The following CACNB2 variants were observed in gnomAD, a reference collection of about 807,000 sequenced individuals.
CACNB2 encodes voltage-dependent L-type calcium channel subunit beta-2.
A neutral mutation model predicts 73.3 loss-of-function variants in CACNB2; 42 were observed. The observed-to-expected ratio is 0.57, with a 90% CI of 0.45 to 0.74. The LOEUF (loss-of-function observed/expected upper bound fraction) is 0.74. Among genes scored for constraint, CACNB2 ranks in the 30% least tolerant of loss-of-function variants. The pLI, the probability that CACNB2 is intolerant of heterozygous loss-of-function variation, is 0.00. For missense variants in CACNB2, 940 were observed against 853.0 expected (o/e 1.10, Z -1.27); for synonymous variants, 348 against 310.3 (o/e 1.12, Z -1.28).
chr10:18,217,084 T>G lies in CACNB2; in HGVS notation c.213+66109T>G, dbSNP rs147274962. 3.3e-3 allele frequency among the ~76,000 whole-genome samples: 508 copies of G among 152,280 alleles called. 3 individuals carry two copies. Among genetic ancestry groups the G allele is most frequent in the African/African-American group, 0.012 (488 of 41,540 alleles). On this transcript the variant is annotated intron_variant, in intron 2 of 13. Coordinates refer to ENST00000324631, the MANE Select transcript of CACNB2 (RefSeq NM_201596.3). The stretch of plus-strand genomic sequence containing the variant: ...CTCTGCTCTAGGCAGGCATATGAGA[T>G]GCATTGGTGAGCAAATATTTCTTGG...
intron 2 of CACNB2, among the ~76,000 whole-genome samples, chr10:18,372,352 T>C (rs7910898): frequency 0.24 from 36,423 of 152,026 alleles, 4,888 homozygotes; most frequent in East Asian, 0.67. Context: ...ACATGTAAGT[T>C]TTTAATCCAT....
rs146919506 is a variant in CACNB2 at position 18,459,728 on chromosome 10, C to T, written c.334-38627C>T. On this transcript the variant is annotated intron_variant, in intron 3 of 13. Transcript: ENST00000324631. ...CTGTTTGTAAAAGTAGAATGCTGGC[C>T]GGGCGCAGTGGCTCACGCCTGTAAT... Among the ~76,000 whole-genome samples the T allele has an allele frequency of 5.3e-5, 8 of 152,260 alleles. No homozygotes were observed. In the South Asian group the frequency reaches 1.0e-3, roughly 20 times the overall value.
chr10:18,463,761 A>G (rs1255113064), intron 3 of CACNB2, among the ~76,000 whole-genome samples: 1 of 151,926 alleles, frequency 6.6e-6, no homozygotes, highest in Non-Finnish European at 1.5e-5. Context: ...GCATCTAGTC[A>G]TCCCCTCTCT....
At chr10:18,396,924 C>T (rs527743407) in intron 2 of CACNB2, among the ~76,000 whole-genome samples, 4 of 152,102 alleles carry the variant, frequency 2.6e-5, no homozygotes, top group Non-Finnish European at 5.9e-5. Flanking sequence ...CCTTTGGATT[C>T]ATAAAAAGTT....
At chr10:18,152,733 C>CAAA (rs1461809120) in intron 2 of CACNB2, among the ~76,000 whole-genome samples, 25 of 89,378 alleles carry the variant, frequency 2.8e-4, no homozygotes, top group Non-Finnish European at 3.4e-4. Context: ...AAAAAAAAAA[C>CAAA]AAAAAACAAA....
intron 2 of CACNB2, among the ~76,000 whole-genome samples, chr10:18,398,529 G>A (rs973952737): frequency 5.9e-5 from 9 of 152,172 alleles, no homozygotes; most frequent in Admixed American, 2.6e-4. Flanking sequence ...AAATTAGCTA[G>A]GAATGGGAGC....
chr10:18,290,231 T>C (rs2131764190), intron 2 of CACNB2, among the ~76,000 whole-genome samples: 1 of 150,722 alleles, frequency 6.6e-6, no homozygotes, highest in East Asian at 2.0e-4. Flanking sequence ...TTCACCGTGT[T>C]GGTCAGGCCG....
chr10:18,270,208 C>A (rs571682599), intron 2 of CACNB2, among the ~76,000 whole-genome samples: 8 of 152,100 alleles, frequency 5.3e-5, no homozygotes, highest in Non-Finnish European at 8.8e-5. Flanking sequence ...GGGGGAAGAA[C>A]CCCTTATAAA....
chr10:18,469,877 A>G (rs1049565531), intron 3 of CACNB2, among the ~76,000 whole-genome samples: 13 of 152,158 alleles, frequency 8.5e-5, no homozygotes, highest in African/African-American at 3.1e-4. Flanking sequence ...AACCACATTT[A>G]TACATGTTTA....
chr10:18,307,983 C>CTTTTTTTTTTTTTTTTTTTT lies in CACNB2; in HGVS notation c.214-93933_214-93914dup, dbSNP rs869311555. 3.3e-3 allele frequency among the ~76,000 whole-genome samples: 233 copies of CTTTTTTTTTTTTTTTTTTTT among 70,232 alleles called. 46 individuals are homozygous for CTTTTTTTTTTTTTTTTTTTT. The highest frequency in any genetic ancestry group is 4.1e-3 in the Non-Finnish European group (149 of 36,700). 46.1% of individuals were successfully genotyped at this position (70,232 alleles called of 152,430 possible). A position where few individuals can be genotyped will look rare whatever the true frequency, so the allele number is the denominator to read the frequency against. On this transcript the variant is annotated intron_variant, in intron 2 of 13. Coordinates refer to ENST00000324631, the MANE Select transcript of CACNB2 (RefSeq NM_201596.3). ...TTAAGTCTAAAATAATATATGCCAA[C>CTTTTTTTTTTTTTTTTTTTT]TTTTTTTTTTTTTTTTTTTTTTTTT...
chr10:18,371,135 A>G (rs2042563874), intron 2 of CACNB2, among the ~76,000 whole-genome samples: 2 of 152,184 alleles, frequency 1.3e-5, no homozygotes, highest in African/African-American at 2.4e-5. Context: ...TAGTTATTTG[A>G]TAGACAAAAA....
At chr10:18,389,902 G>A (rs754862757) in intron 2 of CACNB2, among the ~76,000 whole-genome samples, 11 of 152,024 alleles carry the variant, frequency 7.2e-5, no homozygotes, top group East Asian at 1.9e-4. Context: ...TGATTTTTTC[G>A]TGAATTTTCT....
At chr10:18,345,890 C>T (rs545528769) in intron 2 of CACNB2, among the ~76,000 whole-genome samples, 7 of 152,262 alleles carry the variant, frequency 4.6e-5, no homozygotes, top group South Asian at 2.1e-4. Flanking sequence ...ATAACCATTA[C>T]GGAGAATAAG....
rs191858865 is a variant in CACNB2 at position 18,395,844 on chromosome 10, G to A, written c.214-6080G>A. ...GTATGAATTTGAATAATAATTACAC[G>A]ACAGTTTGCAAACTAAGGTATACAA... On this transcript the variant is annotated intron_variant, in intron 2 of 13. Coordinates refer to ENST00000324631, the MANE Select transcript of CACNB2 (RefSeq NM_201596.3). Among the ~76,000 whole-genome samples, 633 of 152,184 alleles carry A rather than the reference G, an allele frequency of 4.2e-3. 5 individuals are homozygous for A. The highest frequency in any genetic ancestry group is 6.8e-3 in the Non-Finnish European group (460 of 68,014).
chr10:18,483,208 C>G (rs2048878284), intron 3 of CACNB2, among the ~76,000 whole-genome samples: 1 of 151,894 alleles, frequency 6.6e-6, no homozygotes, highest in African/African-American at 2.4e-5. Flanking sequence ...CATGGGGACA[C>G]TCAGCTCAAT....
intron 10 of CACNB2, among the ~76,000 whole-genome samples, chr10:18,530,513 C>A (rs75360827): frequency 7.4e-4 from 96 of 129,192 alleles, no homozygotes; most frequent in East Asian, 1.1e-3. Context: ...TACAAAAATG[C>A]AAAAAAAAAA....
At chr10:18,254,850 G>C (rs1291800514) in intron 2 of CACNB2, among the ~76,000 whole-genome samples, 1 of 152,204 alleles carries the variant, frequency 6.6e-6, no homozygotes, top group East Asian at 1.9e-4. Flanking sequence ...GAAATGCATG[G>C]AAATGTTCAG....
At chr10:18,165,248 G>C (rs2032768219) in intron 2 of CACNB2, among the ~76,000 whole-genome samples, 1 of 152,178 alleles carries the variant, frequency 6.6e-6, no homozygotes, top group Non-Finnish European at 1.5e-5. Flanking sequence ...CGTCATCCGA[G>C]AGCTCATCCT....
At chr10:18,487,053 T>C (rs2049100695) in intron 3 of CACNB2, among the ~76,000 whole-genome samples, 1 of 152,190 alleles carries the variant, frequency 6.6e-6, no homozygotes, top group Non-Finnish European at 1.5e-5. Flanking sequence ...GAGAAGGCGC[T>C]GTCTGCTTTA....
Sources: gnomAD v4.1 joint callset for allele counts (sites outside exome capture counted in the v4.1 genomes callset) on GRCh38, gnomAD v4.1.1 for gene constraint, MANE v1.5 for transcripts, NCBI Gene and HGNC (gene_info 2026-07-23, HGNC 2026-07-21) for gene names.